GRID2: variants seen among roughly 807,000 people sequenced by gnomAD.
GRID2 encodes glutamate receptor ionotropic, delta-2.
Under a neutral mutation model 114.8 loss-of-function variants are expected in GRID2, and 33 were observed. The ratio of observed to expected loss-of-function variants is 0.29; its 90% CI spans 0.22 to 0.38. The LOEUF (loss-of-function observed/expected upper bound fraction) is 0.38, where lower values mean the gene tolerates loss of function less well. Ranked by LOEUF, GRID2 falls within the 10% of genes least tolerant of loss-of-function variation. The pLI is 1.00. For missense variants in GRID2, 1,184 were observed against 1,257.7 expected (o/e 0.94, Z 0.89); for synonymous variants, 505 against 449.9 (o/e 1.12, Z -1.55).
At chr4:93,096,143 C>T (rs899923738) in intron 3 of GRID2, among the ~76,000 whole-genome samples, 3 of 151,880 alleles carry the variant, frequency 2.0e-5, no homozygotes, top group Non-Finnish European at 2.9e-5. Context: ...CATTGCTGAA[C>T]CAATTGGGTC....
intron 8 of GRID2, among the ~76,000 whole-genome samples, chr4:93,355,535 C>G (rs1761249745): frequency 6.6e-6 from 1 of 152,042 alleles, no homozygotes; most frequent in African/African-American, 2.4e-5. Flanking sequence ...TGCCAATACT[C>G]TTTAAGACTA....
At chr4:93,467,301 TG>T (rs1252285395) in intron 11 of GRID2, among the ~76,000 whole-genome samples, 1 of 152,226 alleles carries the variant, frequency 6.6e-6, no homozygotes, top group Non-Finnish European at 1.5e-5. Flanking sequence ...TATCTTTAGA[TG>T]TTTTTTCCAA....
chr4:92,417,098 T>A (rs911819044), intron 1 of GRID2, among the ~76,000 whole-genome samples: 1 of 152,106 alleles, frequency 6.6e-6, no homozygotes, highest in Admixed American at 6.6e-5. Context: ...ATATATGTAA[T>A]TTTAATGCTC....
chr4:92,454,973 T>G (rs2149082254), intron 1 of GRID2, among the ~76,000 whole-genome samples: 1 of 152,350 alleles, frequency 6.6e-6, no homozygotes, highest in South Asian at 2.1e-4. Context: ...GAGGTTGATT[T>G]TAAACTGTTT....
intron 2 of GRID2, among the ~76,000 whole-genome samples, chr4:92,828,754 T>C (rs984441016): frequency 6.6e-5 from 10 of 152,270 alleles, no homozygotes; most frequent in South Asian, 2.1e-4. Context: ...AAAAATTTGC[T>C]AGCTTTTTTT....
chr4:93,312,759 T>C (rs5010006), intron 8 of GRID2, among the ~76,000 whole-genome samples: 70,586 of 151,998 alleles, frequency 0.46, 17,311 homozygotes, highest in East Asian at 0.62. Context: ...ATGAATATAA[T>C]ATAAAAGCAA....
rs200189130 is a variant in GRID2 at position 93,141,803 on chromosome 4, G to GT, written c.735+30857dup. On this transcript the variant is annotated intron_variant, in intron 4 of 15. Transcript: ENST00000282020. The stretch of plus-strand genomic sequence containing the variant: ...AAATTGTGCAATAGGGATTTAACAG[G>GT]TTTTTTTGTAGCATTGTGCTATAGC... 4.5e-3 allele frequency among the ~76,000 whole-genome samples: 681 copies of GT among 152,204 alleles called. 6 individuals carry two copies. Among genetic ancestry groups the GT allele is most frequent in the African/African-American group, 0.016 (652 of 41,528 alleles).
At chr4:92,952,988 AT>A (rs368964179) in intron 2 of GRID2, among the ~76,000 whole-genome samples, 9 of 151,100 alleles carry the variant, frequency 6.0e-5, no homozygotes, top group African/African-American at 1.7e-4. Context: ...ATCAACTGGC[AT>A]TTTTTTTTAC....
At chr4:92,675,062 T>A (rs545387715) in intron 2 of GRID2, among the ~76,000 whole-genome samples, 1 of 152,340 alleles carries the variant, frequency 6.6e-6, no homozygotes, top group Admixed American at 6.5e-5. Flanking sequence ...TTCCTCCTTT[T>A]AAAATGGTTG....
At chr4:92,810,122 T>A (rs979578312) in intron 2 of GRID2, among the ~76,000 whole-genome samples, 1 of 152,088 alleles carries the variant, frequency 6.6e-6, no homozygotes, top group African/African-American at 2.4e-5. Context: ...TTATATCATC[T>A]AATATTTGAT....
At chr4:93,189,338 C>G (rs1740747035) in intron 4 of GRID2, among the ~76,000 whole-genome samples, 1 of 152,038 alleles carries the variant, frequency 6.6e-6, no homozygotes, top group Non-Finnish European at 1.5e-5. Context: ...TAAATTGGTG[C>G]CTTCTTACTG....
chr4:92,785,278 A>G (rs1487611791), intron 2 of GRID2, among the ~76,000 whole-genome samples: 2 of 150,542 alleles, frequency 1.3e-5, no homozygotes, highest in Non-Finnish European at 3.0e-5. Context: ...AACAGCCACA[A>G]TATTAAAATA....
intron 2 of GRID2, among the ~76,000 whole-genome samples, chr4:92,746,710 T>C (rs774309006): frequency 6.6e-6 from 1 of 152,142 alleles, no homozygotes; most frequent in South Asian, 2.1e-4. Flanking sequence ...TCTTACCTTC[T>C]GTATTTCTAG....
Position 93,329,149 on chromosome 4 carries a change from A to T in GRID2, c.1246-66458A>T, listed in dbSNP as rs116079093. On this transcript the variant is annotated intron_variant, in intron 8 of 15. Coordinates refer to ENST00000282020, the MANE Select transcript of GRID2 (RefSeq NM_001510.4). ...TATGAGTTAGTTGAAACTAGAAGAT[A>T]AAGGGGTTTCAAGAAGGAAGAACTA... Among the ~76,000 whole-genome samples, 1,467 of 152,256 alleles carry T rather than the reference A, an allele frequency of 9.6e-3. 17 individuals are homozygous for T. The highest frequency in any genetic ancestry group is 0.033 in the African/African-American group (1,383 of 41,552).
chr4:92,778,079 A>G (rs768493472), intron 2 of GRID2, among the ~76,000 whole-genome samples: 8 of 152,130 alleles, frequency 5.3e-5, no homozygotes, highest in Non-Finnish European at 8.8e-5. Context: ...TGAACATCCT[A>G]CAAAGCAGAG....
At chr4:92,420,772 C>T (rs1486042491) in intron 1 of GRID2, among the ~76,000 whole-genome samples, 1 of 152,148 alleles carries the variant, frequency 6.6e-6, no homozygotes, top group Non-Finnish European at 1.5e-5. Flanking sequence ...GCAACATCCA[C>T]CTTCTGGGTT....
At chr4:93,322,415 A>G (rs1220704308) in intron 8 of GRID2, among the ~76,000 whole-genome samples, 2 of 152,108 alleles carry the variant, frequency 1.3e-5, no homozygotes, top group Non-Finnish European at 2.9e-5. Flanking sequence ...CATGGTGTAT[A>G]TGTGCCACAT....
At chr4:92,446,037 C>T (rs555674681) in intron 1 of GRID2, among the ~76,000 whole-genome samples, 1 of 152,256 alleles carries the variant, frequency 6.6e-6, no homozygotes, top group African/African-American at 2.4e-5. Context: ...CCTCTGCTTC[C>T]CGGGTTCAAG....
At chr4:92,753,104 G>GT (rs1325913005) in intron 2 of GRID2, among the ~76,000 whole-genome samples, 8 of 152,106 alleles carry the variant, frequency 5.3e-5, no homozygotes, top group Admixed American at 5.2e-4. Context: ...TATTACAAAT[G>GT]TAAGTAATAC....
Sources: gnomAD v4.1 joint callset for allele counts (sites outside exome capture counted in the v4.1 genomes callset) on GRCh38, gnomAD v4.1.1 for gene constraint, MANE v1.5 for transcripts, NCBI Gene and HGNC (gene_info 2026-07-23, HGNC 2026-07-21) for gene names.